Variants in FAF1 observed in about 807,000 individuals in gnomAD.
FAF1 encodes the protein Fas associated factor 1, also known as FAS-associated factor 1.
A neutral mutation model predicts 92.5 loss-of-function variants in FAF1; 25 were observed. The ratio of observed to expected loss-of-function variants is 0.27; its 90% confidence interval spans 0.20 to 0.38. The LOEUF (loss-of-function observed/expected upper bound fraction) is 0.38. Among genes scored for constraint, FAF1 ranks in the 10% least tolerant of loss-of-function variants. The probability of loss-of-function intolerance (pLI) is 1.00; values close to 1 mark genes in which losing one functional copy is unlikely to be tolerated. For synonymous variants in FAF1, 234 were observed against 273.2 expected, an observed-to-expected ratio of 0.86 and a Z score of 1.42; for missense variants, 636 against 793.3, an observed-to-expected ratio of 0.80 and a Z score of 2.38.
intron 2 of FAF1, among the ~76,000 whole-genome samples, chr1:50,823,016 T>A (rs748406839): frequency 5.3e-5 from 8 of 152,106 alleles, no homozygotes; most frequent in African/African-American, 1.2e-4. Flanking sequence ...TCAGGTGATC[T>A]GCCCGCCTCG....
intron 2 of FAF1, among the ~76,000 whole-genome samples, chr1:50,806,753 G>C (rs1238619081): frequency 6.6e-6 from 1 of 152,188 alleles, no homozygotes; most frequent in Non-Finnish European, 1.5e-5. Flanking sequence ...ATGAAGCCTA[G>C]GAGGGATGAG....
chr1:50,561,526 A>C (rs371447975), intron 13 of FAF1, among the ~76,000 whole-genome samples: 1 of 151,980 alleles, frequency 6.6e-6, no homozygotes, highest in Non-Finnish European at 1.5e-5. Context: ...TATAGTACTT[A>C]CTCTTTAAAA....
intron 7 of FAF1, among the ~76,000 whole-genome samples, chr1:50,657,218 A>G (rs1655155759): frequency 6.6e-6 from 1 of 151,258 alleles, no homozygotes; most frequent in Non-Finnish European, 1.5e-5. Context: ...TCTCAAAAAA[A>G]AGAAAAAAGC....
intron 3 of FAF1, among the ~76,000 whole-genome samples, chr1:50,800,541 A>G (rs1047481134): frequency 6.6e-6 from 1 of 152,224 alleles, no homozygotes; most frequent in Non-Finnish European, 1.5e-5. Flanking sequence ...AATCTGCCAC[A>G]TTTACTCTGG....
intron 4 of FAF1, among the ~76,000 whole-genome samples, chr1:50,751,035 A>G (rs536160196): frequency 4.2e-5 from 6 of 144,068 alleles, no homozygotes; most frequent in African/African-American, 1.3e-4. Context: ...TATTTACTAT[A>G]CTAATATGGG....
chr1:50,529,192 A>G (rs949992711), intron 15 of FAF1, among the ~76,000 whole-genome samples: 2 of 152,194 alleles, frequency 1.3e-5, no homozygotes, highest in African/African-American at 2.4e-5. Context: ...TTATTATACT[A>G]TATTCATCAT....
intron 6 of FAF1, among the ~76,000 whole-genome samples, chr1:50,713,786 T>C (rs1658052851): frequency 6.7e-6 from 1 of 150,098 alleles, no homozygotes; most frequent in Non-Finnish European, 1.5e-5. Flanking sequence ...TTTTTTTTTT[T>C]TTTTTGAGAT....
At chr1:50,588,733 G>T (rs969274324) in intron 9 of FAF1, among the ~76,000 whole-genome samples, 1 of 152,216 alleles carries the variant, frequency 6.6e-6, no homozygotes, top group African/African-American at 2.4e-5. Flanking sequence ...GGCTGCAAGG[G>T]CTACTGGAGT....
At chr1:50,481,514 G>C (rs897849704) in intron 17 of FAF1, among the ~76,000 whole-genome samples, 3 of 152,138 alleles carry the variant, frequency 2.0e-5, no homozygotes, top group African/African-American at 7.2e-5. Context: ...GGAGCAACAG[G>C]TTATACCATA....
At chr1:50,778,860 C>A (rs1285536692) in intron 4 of FAF1, among the ~76,000 whole-genome samples, 1 of 151,926 alleles carries the variant, frequency 6.6e-6, no homozygotes, top group Non-Finnish European at 1.5e-5. Flanking sequence ...CACACACACA[C>A]AAATAGAGCT....
intron 8 of FAF1, among the ~76,000 whole-genome samples, chr1:50,637,069 C>T (rs1468048494): frequency 6.6e-6 from 1 of 151,944 alleles, no homozygotes; most frequent in Non-Finnish European, 1.5e-5. Context: ...ACACAAATAT[C>T]ACATTGTATT....
intron 6 of FAF1, among the ~76,000 whole-genome samples, chr1:50,729,329 A>G (rs1658822161): frequency 6.6e-6 from 1 of 151,820 alleles, no homozygotes; most frequent in South Asian, 2.1e-4. Flanking sequence ...CGCTGGGATT[A>G]CAGGTGTGAG....
chr1:50,573,515 A>G (rs547414495), intron 12 of FAF1, among the ~76,000 whole-genome samples: 1 of 152,066 alleles, frequency 6.6e-6, no homozygotes, highest in African/African-American at 2.4e-5. Context: ...TGTTCAAAGA[A>G]CTCCAAGCTA....
At chr1:50,531,144 C>T (rs980037091) in intron 15 of FAF1, among the ~76,000 whole-genome samples, 7 of 152,092 alleles carry the variant, frequency 4.6e-5, no homozygotes, top group African/African-American at 1.4e-4. Context: ...GCCCATGTTC[C>T]ACTAATGTAT....
intron 7 of FAF1, among the ~76,000 whole-genome samples, chr1:50,682,514 A>G (rs1656468929): frequency 6.6e-6 from 1 of 152,136 alleles, no homozygotes; most frequent in Non-Finnish European, 1.5e-5. Flanking sequence ...ATGTCGTCTT[A>G]TGTTACTTTC....
chr1:50,448,757 A>AT (rs989881616), intron 18 of FAF1, among the ~76,000 whole-genome samples: 3 of 152,186 alleles, frequency 2.0e-5, no homozygotes, highest in African/African-American at 7.2e-5. Context: ...AGGAGGTGAT[A>AT]TTTTTATCCC....
intron 1 of FAF1, among the ~76,000 whole-genome samples, chr1:50,892,803 A>G (rs1644730266): frequency 6.6e-6 from 1 of 152,102 alleles, no homozygotes. Flanking sequence ...CCTCTTTAAG[A>G]CCAATAACTC....
chr1:50,888,642 TTC>T (rs2124697591), intron 1 of FAF1, among the ~76,000 whole-genome samples: 1 of 152,276 alleles, frequency 6.6e-6, no homozygotes, highest in African/African-American at 2.4e-5. Context: ...TTGTCTTTGG[TTC>T]TGTTTATATG....
rs543665458 is a variant in FAF1 at position 50,516,451 on chromosome 1, G to A, written c.1494+18918C>T. On this transcript the variant is annotated intron_variant, in intron 15 of 18. Coordinates refer to ENST00000396153, the MANE Select transcript of FAF1 (RefSeq NM_007051.3). ...GAAACCATATTACCCTGTATACCTT[G>A]GCTTGGACTTGTCACATGGCAGACA... 2.0e-5 allele frequency among the ~76,000 whole-genome samples: 3 copies of A among 152,196 alleles called. No homozygotes were observed. The South Asian group carries it at 6.2e-4, about 32-fold the overall frequency.
Sources: gnomAD v4.1 joint callset for allele counts (sites outside exome capture counted in the v4.1 genomes callset) on GRCh38, gnomAD v4.1.1 for gene constraint, MANE v1.5 for transcripts, NCBI Gene and HGNC (gene_info 2026-07-23, HGNC 2026-07-21) for gene names.